The following PHIP variants were observed in gnomAD, a reference collection of about 807,000 sequenced individuals.
PHIP encodes PHIP subunit of CUL4-Ring ligase complex, also known as PH-interacting protein.
A neutral mutation model predicts 236.8 loss-of-function variants in PHIP; 54 were observed. The observed-to-expected ratio is 0.23, with a 90% CI of 0.18 to 0.29. The LOEUF (loss-of-function observed/expected upper bound fraction) is 0.29, where lower values mean the gene tolerates loss of function less well. Ranked by LOEUF, PHIP falls within the 10% of genes least tolerant of loss-of-function variation. The pLI, the probability that PHIP is intolerant of heterozygous loss-of-function variation, is 1.00. For missense variants in PHIP, 1,370 were observed against 2,190.8 expected, an observed-to-expected ratio of 0.63 and a Z score of 7.48; for synonymous variants, 756 against 718.9, an observed-to-expected ratio of 1.05 and a Z score of -0.83.
Position 79,003,757 on chromosome 6 carries a change from G to T in PHIP, c.1626C>A (p.Gly542=), listed in dbSNP as rs1187250490. ...TDSHGHLLIF[G]FGSSSKYDKI... ...TGTCATATTTGCTACTGGACCCAAA[G>T]CCAAAAATTAAAAGATGTCCATGAG... The change falls in exon 16 of 40, where the codon GGC becomes GGA. Residue 542 remains glycine (G), a synonymous_variant. Transcript: ENST00000275034. 1 of 1,607,056 alleles carries T rather than the reference G, an allele frequency of 6.2e-7. No individual in the cohort carries two copies. Among genetic ancestry groups the T allele is most frequent in the Non-Finnish European group, 8.5e-7 (1 of 1,176,964 alleles).
intron 37 of PHIP, 56 bp downstream of exon 37, chr6:78,946,655 T>C (rs1773835214): frequency 1.3e-5 from 19 of 1,478,442 alleles, no homozygotes; most frequent in Admixed American, 2.7e-5. Flanking sequence ...CACCAAGTTC[T>C]ATCATTTAGA....
Position 79,004,350 on chromosome 6 carries a change from G to A in PHIP, c.1525-492C>T, listed in dbSNP as rs182503479. The A allele has an allele frequency of 1.5e-4, 145 of 950,106 alleles. No homozygotes were observed. In the East Asian group the frequency reaches 1.7e-3, roughly 11 times the overall value. The allele number at this position is 950,106 out of a possible 1,614,324, so 58.9% of individuals were successfully genotyped here. A position where few individuals can be genotyped will look rare whatever the true frequency, so the allele number is the denominator to read the frequency against. On this transcript the variant is annotated intron_variant, in intron 15 of 39. Transcript: ENST00000275034. ...GTCTTTTAAATGGTGAATTTCAAAG[G>A]TTAAAGAAAAGGTTTTTTTTACCTG... is the stretch of plus-strand genomic sequence containing the variant.
chr6:79,060,886 CAAT>C (rs1471239615), intron 4 of PHIP, 68 bp from the exon 5 acceptor site: 10 of 1,097,946 alleles, frequency 9.1e-6, no homozygotes, highest in Non-Finnish European at 1.3e-5. Flanking sequence ...CTTTGAGCAA[CAAT>C]AAAAAAATTC....
rs552778800 is a variant in PHIP at position 78,971,961 on chromosome 6, A to G, written c.2890-1073T>C. ...CAGCGAGGCTGGGGGAGGGGCGCCC[A>G]CCATTGCCCAGGCTTGCTTAGGTAA... On this transcript the variant is annotated intron_variant, in intron 24 of 39. Transcript: ENST00000275034. Among the ~76,000 whole-genome samples the G allele has an allele frequency of 1.4e-4, 21 of 152,222 alleles. No homozygotes were observed. In the South Asian group the frequency reaches 2.1e-3, roughly 15 times the overall value.
Position 78,941,193 on chromosome 6 carries a change from G to A in PHIP, c.4966C>T (p.His1656Tyr). ...TTGGGCTTTCTACCCCTTTTCTTGTGTATAATTTCACCACTATTGGTATTA... is the reference window on the plus strand; with the variant it reads ...TTGGGCTTTCTACCCCTTTTCTTGTATATAATTTCACCACTATTGGTATTA... Reference protein sequence around the residue: ...EVNTNSGEIIHKKRGRKPKKL... With the variant: ...EVNTNSGEIIYKKRGRKPKKL... The change falls in exon 40 of 40, where the codon CAC becomes TAC. Residue 1656 changes from histidine to tyrosine, a missense_variant. Coordinates refer to ENST00000275034, the MANE Select transcript of PHIP (RefSeq NM_017934.7). The A allele has an allele frequency of 6.2e-7, 1 of 1,613,896 alleles. No homozygotes were observed. The highest frequency in any genetic ancestry group is 8.5e-7 in the Non-Finnish European group (1 of 1,179,924).
Position 78,954,939 on chromosome 6 carries a change from G to A in PHIP, c.3928C>T (p.Arg1310Cys), listed in dbSNP as rs369513920. Residue 1310 changes from arginine (R) to cysteine (C), a missense_variant, in exon 35 of 40, where the codon CGT (arginine) becomes TGT (cysteine). By Grantham distance (180) the Arg-to-Cys change is radical (BLOSUM62 -3). This residue lies in a region of PHIP where 125 missense variants were observed against 235.1 expected (regional missense o/e 0.53). Transcript: ENST00000275034. ...ATATCGTAAGACTGGGCTCTATTAC[G>A]TAATCTTCTTCTAGGCTGATGGTCC... ...RKDHQPRRRL[R>C]NRAQSYDIQA... The A allele has an allele frequency of 9.6e-6, 15 of 1,569,808 alleles. No individual in the cohort carries two copies. Among genetic ancestry groups the A allele is most frequent in the African/African-American group, 2.8e-5 (2 of 72,136 alleles).
Position 78,954,678 on chromosome 6 carries a change from A to T in PHIP, c.4053+136T>A. 10 of 587,192 alleles carry T rather than the reference A, an allele frequency of 1.7e-5. No homozygotes were observed. In the South Asian group the frequency reaches 2.6e-4, roughly 15 times the overall value. The allele number at this position is 587,192 out of a possible 1,614,324, so 36.4% of individuals were successfully genotyped here. A position where few individuals can be genotyped will look rare whatever the true frequency, so the allele number is the denominator to read the frequency against. On this transcript the variant is annotated intron_variant, in intron 35 of 39. Coordinates refer to ENST00000275034, the MANE Select transcript of PHIP (RefSeq NM_017934.7). ...CAAAATTTGGATTCTCTATGTAGCC[A>T]AATGGATAATGAGAACATGTATAAA...
chr6:79,055,440 G>A (rs1272760739), intron 6 of PHIP, among the ~76,000 whole-genome samples: 2 of 152,156 alleles, frequency 1.3e-5, no homozygotes, highest in African/African-American at 2.4e-5. Context: ...CAGGCATAAT[G>A]TGGGTATGGA....
In PHIP at chr6:78,998,277, C is replaced by T. The variant is rs1352114185; in HGVS notation, c.1994G>A (p.Ser665Asn). ...DLRRSGEAVI[S>N]NTSRLSRGSI... ...ACCTCTACTTAAACGGCTGGTATTA[C>T]TGATAACTGCTTCACCAGAACGTCT... The change falls in exon 18 of 40, where the codon AGT (serine) becomes AAT (asparagine). Residue 665 changes from serine (S) to asparagine (N), a missense_variant. By Grantham distance (46) the Ser-to-Asn change is conservative. Around this residue, in one of 14 missense-constraint regions of PHIP, gnomAD observed 133 missense variants for 245.2 expected, o/e 0.54. Transcript: ENST00000275034. 4 of 1,610,940 alleles carry T rather than the reference C, an allele frequency of 2.5e-6. No individual in the cohort carries two copies. In the East Asian group the frequency reaches 8.9e-5, roughly 36 times the overall value.
At chr6:79,043,829 C>CTT (rs56960316) in intron 6 of PHIP, among the ~76,000 whole-genome samples, 29 of 139,214 alleles carry the variant, frequency 2.1e-4, no homozygotes, top group African/African-American at 3.1e-4. Context: ...CTAATACAGG[C>CTT]TTTTTTTTTT....
chr6:79,033,562 T>C (rs991432844), intron 7 of PHIP, among the ~76,000 whole-genome samples: 8 of 152,338 alleles, frequency 5.3e-5, no homozygotes, highest in Admixed American at 2.0e-4. Context: ...ACTTTTCTTA[T>C]GTAGCTTCCT....
intron 35 of PHIP, among the ~76,000 whole-genome samples, chr6:78,950,619 T>C (rs1774089613): frequency 6.6e-6 from 1 of 152,210 alleles, no homozygotes; most frequent in Admixed American, 6.5e-5. Context: ...TTTATATATG[T>C]AGAATTCTTT....
chr6:78,997,553 C>G lies in PHIP; in HGVS notation c.2062G>C (p.Gly688Arg), dbSNP rs1222369764. ...TCAATTTGTCCACTACGTCTTAGTC[C>G]TACGTTTGGTGGTGAATGAACCTCT... The part of the protein sequence containing the change: ...TSEVHSPPNV[G>R]LRRSGQIEGV... The change falls in exon 19 of 40, where the codon GGA becomes CGA. Residue 688 changes from glycine to arginine, a missense_variant. By Grantham distance (125) the Gly-to-Arg change is moderately radical. Around this residue, in one of 14 missense-constraint regions of PHIP, gnomAD observed 133 missense variants for 245.2 expected, o/e 0.54. Transcript: ENST00000275034. The G allele has an allele frequency of 6.2e-7, 1 of 1,613,860 alleles. No homozygotes were observed.
chr6:78,978,860 T>C (rs1768305464), intron 23 of PHIP, 149 bp from the exon 24 acceptor site: 1 of 528,470 alleles, frequency 1.9e-6, no homozygotes, highest in Non-Finnish European at 3.0e-6. Flanking sequence ...TGTGTATCCA[T>C]GGGTTCCACA....
At chr6:79,077,967 G>A in intron 1 of PHIP, 54 bp from the exon 2 acceptor site, 1 of 1,592,134 alleles carries the variant, frequency 6.3e-7, no homozygotes, top group Non-Finnish European at 8.6e-7. Context: ...CGGGCGGCGG[G>A]GGGCGGGGGA....
chr6:79,040,999 T>C (rs1179557239), intron 7 of PHIP, among the ~76,000 whole-genome samples: 1 of 152,170 alleles, frequency 6.6e-6, no homozygotes, highest in Non-Finnish European at 1.5e-5. Flanking sequence ...CTTCGCATAT[T>C]ATTCTTGTTC....
chr6:78,958,332 C>A (rs2127694648), intron 32 of PHIP, 143 bp downstream of exon 32: 1 of 532,180 alleles, frequency 1.9e-6, no homozygotes, highest in South Asian at 3.3e-5. Context: ...TTTAGATCTT[C>A]AGTCTAATGC....
At chr6:79,021,136 A>G (rs1771098606) in intron 9 of PHIP, among the ~76,000 whole-genome samples, 1 of 152,176 alleles carries the variant, frequency 6.6e-6, no homozygotes, top group Non-Finnish European at 1.5e-5. Context: ...AATAAATTTA[A>G]TAAAGCACTA....
At chr6:79,010,942 G>A (rs1428057351) in intron 15 of PHIP, among the ~76,000 whole-genome samples, 1 of 151,822 alleles carries the variant, frequency 6.6e-6, no homozygotes. Context: ...GAACATTTAA[G>A]GTTATAATTA....
Sources: allele counts gnomAD v4.1 joint callset (sites outside exome capture counted in the v4.1 genomes callset), GRCh38; gene constraint gnomAD v4.1.1; regional missense constraint gnomAD v4.1.1; transcripts MANE v1.5; gene names NCBI Gene and HGNC (gene_info 2026-07-23, HGNC 2026-07-21).